CNTNAP2: variants seen among roughly 807,000 people sequenced by gnomAD.
CNTNAP2 encodes the protein contactin-associated protein-like 2.
Under a neutral mutation model 155.2 loss-of-function variants are expected in CNTNAP2, and 98 were observed. The observed-to-expected ratio is 0.63, with a 90% CI of 0.54 to 0.75. The LOEUF (loss-of-function observed/expected upper bound fraction) is 0.75. Among genes scored for constraint, CNTNAP2 ranks in the 30% least tolerant of loss-of-function variants. The pLI, the probability that CNTNAP2 is intolerant of heterozygous loss-of-function variation, is 0.00. For synonymous variants in CNTNAP2, 651 were observed against 631.2 expected, an observed-to-expected ratio of 1.03 and a Z score of -0.47; for missense variants, 1,727 against 1,688.1, an observed-to-expected ratio of 1.02 and a Z score of -0.40.
At chr7:146,518,109 A>C (rs879837473) in intron 1 of CNTNAP2, among the ~76,000 whole-genome samples, 1 of 151,968 alleles carries the variant, frequency 6.6e-6, no homozygotes, top group African/African-American at 2.4e-5. Context: ...GACCCATTTC[A>C]GTTCAGTTTT....
chr7:146,745,132 A>T (rs1801787529), intron 1 of CNTNAP2, among the ~76,000 whole-genome samples: 1 of 152,176 alleles, frequency 6.6e-6, no homozygotes, highest in Non-Finnish European at 1.5e-5. Flanking sequence ...TCATGGTTTT[A>T]GAAAACAACA....
At chr7:147,271,011 A>G (rs1459392088) in intron 8 of CNTNAP2, among the ~76,000 whole-genome samples, 1 of 152,198 alleles carries the variant, frequency 6.6e-6, no homozygotes, top group African/African-American at 2.4e-5. Flanking sequence ...ATTTTTCGGA[A>G]GTCAGCTTCA....
At chr7:146,431,039 A>G (rs1796166336) in intron 1 of CNTNAP2, among the ~76,000 whole-genome samples, 1 of 152,142 alleles carries the variant, frequency 6.6e-6, no homozygotes, top group South Asian at 2.1e-4. Context: ...TAATTACAGT[A>G]TCATCCTCAG....
At chr7:146,718,961 G>A (rs73168714) in intron 1 of CNTNAP2, among the ~76,000 whole-genome samples, 2 of 152,106 alleles carry the variant, frequency 1.3e-5, no homozygotes, top group South Asian at 4.1e-4. Flanking sequence ...TGTCCAATAC[G>A]CTAACTGAAA....
At chr7:146,329,803 G>T (rs1801152046) in intron 1 of CNTNAP2, among the ~76,000 whole-genome samples, 1 of 152,058 alleles carries the variant, frequency 6.6e-6, no homozygotes, top group Admixed American at 6.6e-5. Flanking sequence ...GGCATTCTAT[G>T]TACAACTGTG....
intron 9 of CNTNAP2, among the ~76,000 whole-genome samples, chr7:147,356,336 G>A (rs1236516439): frequency 2.0e-5 from 3 of 151,964 alleles, no homozygotes; most frequent in African/African-American, 7.3e-5. Flanking sequence ...ATATTGAATG[G>A]GCAAAAACTG....
intron 1 of CNTNAP2, among the ~76,000 whole-genome samples, chr7:146,274,459 A>G (rs1170546552): frequency 2.6e-5 from 4 of 152,328 alleles, no homozygotes; most frequent in South Asian, 2.1e-4. Context: ...ATAGTAACAC[A>G]AACATAAAGA....
Position 146,671,908 on chromosome 7 carries a change from T to C in CNTNAP2, c.98-102363T>C, listed in dbSNP as rs1445673435. On this transcript the variant is annotated intron_variant, in intron 1 of 23. Coordinates refer to ENST00000361727, the MANE Select transcript of CNTNAP2 (RefSeq NM_014141.6). ...TCAGATCACTGCAACCTCCGCCGCCTGGGTTCAAGCGATTCTCCTGCTTCA... is the reference window on the plus strand; with the variant it reads ...TCAGATCACTGCAACCTCCGCCGCCCGGGTTCAAGCGATTCTCCTGCTTCA... Among the ~76,000 whole-genome samples the C allele has an allele frequency of 3.9e-5, 6 of 152,134 alleles. No homozygotes were observed. In the South Asian group the frequency reaches 1.0e-3, roughly 26 times the overall value.
At chr7:147,068,140 C>G (rs1181784488) in intron 4 of CNTNAP2, among the ~76,000 whole-genome samples, 3 of 152,246 alleles carry the variant, frequency 2.0e-5, no homozygotes, top group African/African-American at 7.2e-5. Context: ...TCTGTATCCT[C>G]TTTTAAAGGG....
intron 3 of CNTNAP2, among the ~76,000 whole-genome samples, chr7:146,857,010 T>C (rs1795003204): frequency 6.6e-6 from 1 of 152,166 alleles, no homozygotes; most frequent in Admixed American, 6.5e-5. Context: ...GGTCAATGGA[T>C]AATATTGGGA....
rs752496194 is a variant in CNTNAP2, at chr7:147,300,305, C to G, written c.1498+15C>G. Reference sequence around the variant, plus strand: ...CTTTTTTGGAGGTAAGAATGCCATTCCTTTTTGGTTACTAATCCATTGCAA... The same window carrying G: ...CTTTTTTGGAGGTAAGAATGCCATTGCTTTTTGGTTACTAATCCATTGCAA... On this transcript the variant is annotated intron_variant, in intron 9 of 23. Transcript: ENST00000361727. The G allele has an allele frequency of 6.2e-7, 1 of 1,613,510 alleles. No individual in the cohort carries two copies. The highest frequency in any genetic ancestry group is 1.7e-5 in the Admixed American group (1 of 59,974).
In CNTNAP2 at chr7:147,084,344, A is replaced by C. The variant is rs371116395; in HGVS notation, c.551-23803A>C. 3.6e-4 allele frequency among the ~76,000 whole-genome samples: 11 copies of C among 30,650 alleles called. 3 individuals carry two copies. The highest frequency in any genetic ancestry group is 4.5e-4 in the Non-Finnish European group (9 of 19,998). 20.1% of individuals were successfully genotyped at this position (30,650 alleles called of 152,430 possible). ...TGCATAATGCTATATATGTATATATAATATATGCATAATGCTATATATGTA... is the reference window on the plus strand; with the variant it reads ...TGCATAATGCTATATATGTATATATCATATATGCATAATGCTATATATGTA... On this transcript the variant is annotated intron_variant, in intron 4 of 23. Coordinates refer to ENST00000361727, the MANE Select transcript of CNTNAP2 (RefSeq NM_014141.6).
chr7:147,960,850 T>G (rs974701280), intron 14 of CNTNAP2, among the ~76,000 whole-genome samples: 4 of 152,022 alleles, frequency 2.6e-5, no homozygotes, highest in African/African-American at 9.7e-5. Flanking sequence ...GTCTCTCTCT[T>G]TCTTTCTTTA....
At chr7:147,268,033 C>T (rs1584832023) in intron 8 of CNTNAP2, among the ~76,000 whole-genome samples, 2 of 152,134 alleles carry the variant, frequency 1.3e-5, no homozygotes, top group Admixed American at 6.5e-5. Context: ...AAATCTGGCA[C>T]CCTTGACCTG....
chr7:146,176,285 G>A lies in CNTNAP2; in HGVS notation c.97+59312G>A, dbSNP rs1798468950. Among the ~76,000 whole-genome samples the A allele has an allele frequency of 2.0e-5, 3 of 152,120 alleles. No individual in the cohort carries two copies. The South Asian group carries it at 6.2e-4, about 31-fold the overall frequency. ...ATTTGATAATTGGGGGAAAAACAGA[G>A]CAAATAATTCCCTTTTTGTCTATGG... On this transcript the variant is annotated intron_variant, in intron 1 of 23. Transcript: ENST00000361727.
intron 3 of CNTNAP2, among the ~76,000 whole-genome samples, chr7:146,981,220 T>G (rs1430925695): frequency 6.6e-6 from 1 of 152,184 alleles, no homozygotes; most frequent in Non-Finnish European, 1.5e-5. Context: ...TACATGGTAA[T>G]TTGTGTCTGC....
rs182619136 is a variant in CNTNAP2, at chr7:147,495,085, C to A, written c.1777+9044C>A. 2.2e-3 allele frequency among the ~76,000 whole-genome samples: 329 copies of A among 152,180 alleles called. 3 individuals carry two copies. The highest frequency in any genetic ancestry group is 9.6e-4 in the Non-Finnish European group (65 of 68,004). On this transcript the variant is annotated intron_variant, in intron 11 of 23. Coordinates refer to ENST00000361727, the MANE Select transcript of CNTNAP2 (RefSeq NM_014141.6). Reference sequence around the variant, plus strand: ...TAGACAAGGTAGTTTTAAAGGAAAGCAGGATAAGTAATAAAAGCATTAATA... The same window carrying A: ...TAGACAAGGTAGTTTTAAAGGAAAGAAGGATAAGTAATAAAAGCATTAATA...
intron 14 of CNTNAP2, among the ~76,000 whole-genome samples, chr7:147,909,672 A>G (rs973613582): frequency 1.3e-5 from 2 of 152,232 alleles, no homozygotes; most frequent in African/African-American, 4.8e-5. Flanking sequence ...CTAAGTGGCC[A>G]CTGCTGGGTA....
chr7:146,219,787 A>G (rs1325458864), intron 1 of CNTNAP2, among the ~76,000 whole-genome samples: 3 of 152,216 alleles, frequency 2.0e-5, no homozygotes, highest in African/African-American at 7.2e-5. Flanking sequence ...TGATGGCAGC[A>G]TCTGTGATTA....
Sources: allele counts gnomAD v4.1 joint callset (sites outside exome capture counted in the v4.1 genomes callset), GRCh38; gene constraint gnomAD v4.1.1; transcripts MANE v1.5; gene names NCBI Gene and HGNC (gene_info 2026-07-23, HGNC 2026-07-21).